The following CAMTA1 variants were observed in gnomAD, a reference collection of about 807,000 sequenced individuals.
CAMTA1 encodes the protein calmodulin binding transcription activator 1.
Under a neutral mutation model 170.9 loss-of-function variants are expected in CAMTA1, and 27 were observed. The ratio of observed to expected loss-of-function variants is 0.16; its 90% CI spans 0.12 to 0.22. The LOEUF is 0.22. Among genes scored for constraint, CAMTA1 ranks in the 10% least tolerant of loss-of-function variants. CAMTA1 has a pLI of 1.00. For missense variants in CAMTA1, 1,619 were observed against 2,217.2 expected (o/e 0.73, Z 5.42); for synonymous variants, 833 against 891.5 (o/e 0.93, Z 1.17).
Position 7,249,292 on chromosome 1 carries a change from G to A in CAMTA1, c.303-199G>A, listed in dbSNP as rs1477702006. 6.6e-6 allele frequency among the ~76,000 whole-genome samples: 1 copy of A among 152,084 alleles called. No individual in the cohort carries two copies. The highest frequency in any genetic ancestry group is 6.5e-5 in the Admixed American group (1 of 15,276). ...ATCATTGACACATTTAATTCATTAG[G>A]TACCAAATCCAAAGCAAATTTTGGC... is the stretch of plus-strand genomic sequence containing the variant. On this transcript the variant is annotated intron_variant, in intron 4 of 22. Transcript: ENST00000303635. This position sits in a 1 kb window ranked among gnomAD's most constrained non-coding sequence, Gnocchi z 4.4.
chr1:6,988,026 C>G (rs1695652218), intron 3 of CAMTA1, among the ~76,000 whole-genome samples: 1 of 152,208 alleles, frequency 6.6e-6, no homozygotes, highest in Admixed American at 6.5e-5. Flanking sequence ...TCCCTCTTCC[C>G]TGGGAACATT....
At chr1:7,462,173 G>A (rs1320040630) in intron 5 of CAMTA1, among the ~76,000 whole-genome samples, 1 of 152,240 alleles carries the variant, frequency 6.6e-6, no homozygotes, top group East Asian at 1.9e-4. Flanking sequence ...TGTTGCCCAG[G>A]CTGGAGTGCA....
intron 5 of CAMTA1, among the ~76,000 whole-genome samples, chr1:7,335,268 G>A (rs1305666311): frequency 1.4e-5 from 2 of 146,880 alleles, no homozygotes; most frequent in African/African-American, 2.5e-5. Context: ...GGGTAATCCC[G>A]GTTTGCCTTG....
chr1:7,293,260 G>A lies in CAMTA1; in HGVS notation c.438+43634G>A, dbSNP rs773399322. Among the ~76,000 whole-genome samples, 35 of 152,166 alleles carry A rather than the reference G, an allele frequency of 2.3e-4. No homozygotes were observed. The highest frequency in any genetic ancestry group is 4.1e-4 in the South Asian group (2 of 4,826). On this transcript the variant is annotated intron_variant, in intron 5 of 22. Coordinates refer to ENST00000303635, the MANE Select transcript of CAMTA1 (RefSeq NM_015215.4). The surrounding 1 kb of genome is among the most constrained non-coding windows in gnomAD (Gnocchi z 4.1). ...TCTGGGTGATGAGAGACCGCCACTCGTCTCCAGGAGCTCCCGCCAGAGGCC... is the reference window on the plus strand; with the variant it reads ...TCTGGGTGATGAGAGACCGCCACTCATCTCCAGGAGCTCCCGCCAGAGGCC...
At chr1:6,847,546 T>G (rs1416784334) in intron 3 of CAMTA1, among the ~76,000 whole-genome samples, 1 of 151,612 alleles carries the variant, frequency 6.6e-6, no homozygotes, top group Non-Finnish European at 1.5e-5. Context: ...AAATTTTGTT[T>G]TTTTTTTTTT....
At chr1:7,281,249 A>T (rs1306118653) in intron 5 of CAMTA1, among the ~76,000 whole-genome samples, 1 of 152,222 alleles carries the variant, frequency 6.6e-6, no homozygotes, top group Admixed American at 6.5e-5. Context: ...TAATTCTGCA[A>T]ACCAATTCAA....
chr1:7,240,908 G>A (rs1318699733), intron 4 of CAMTA1, among the ~76,000 whole-genome samples: 1 of 152,188 alleles, frequency 6.6e-6, no homozygotes, highest in Non-Finnish European at 1.5e-5. Flanking sequence ...AGGGCAAAGT[G>A]TTGATTCTCA....
chr1:7,233,132 C>T (rs537600154), intron 4 of CAMTA1, among the ~76,000 whole-genome samples: 4 of 152,272 alleles, frequency 2.6e-5, no homozygotes, highest in African/African-American at 4.8e-5. Flanking sequence ...TCTAACAGAC[C>T]GTCACATTGA....
chr1:7,478,441 C>T (rs1297047160), intron 6 of CAMTA1, among the ~76,000 whole-genome samples: 1 of 152,216 alleles, frequency 6.6e-6, no homozygotes, highest in East Asian at 1.9e-4. Flanking sequence ...AGGACCTCTC[C>T]TGGCCTGGCC....
At chr1:7,671,924 C>T in intron 10 of CAMTA1, 1 of 450,596 alleles carries the variant, frequency 2.2e-6, no homozygotes, top group South Asian at 1.6e-5. Flanking sequence ...GGACATGTCA[C>T]AGAGGGGGAT....
intron 11 of CAMTA1, among the ~76,000 whole-genome samples, chr1:7,695,187 A>T (rs1004969855): frequency 2.0e-5 from 3 of 152,066 alleles, no homozygotes; most frequent in Non-Finnish European, 4.4e-5. Context: ...AGCCCCCACG[A>T]GGTGGGACCT....
chr1:7,386,188 G>T (rs541184465), intron 5 of CAMTA1, among the ~76,000 whole-genome samples: 2 of 152,210 alleles, frequency 1.3e-5, no homozygotes, highest in Non-Finnish European at 2.9e-5. Flanking sequence ...TTTCATCTGG[G>T]ACAAGTTTGT....
At chr1:7,240,680 C>T (rs1664708782) in intron 4 of CAMTA1, among the ~76,000 whole-genome samples, 2 of 152,036 alleles carry the variant, frequency 1.3e-5, no homozygotes. Flanking sequence ...TGCCACCACA[C>T]TTTGTTGTAG....
chr1:7,378,157 A>G (rs1206117691), intron 5 of CAMTA1, among the ~76,000 whole-genome samples: 2 of 152,286 alleles, frequency 1.3e-5, no homozygotes, highest in Admixed American at 6.5e-5. Context: ...AAATTCTCCC[A>G]ATTGTAGTGA....
intron 9 of CAMTA1, among the ~76,000 whole-genome samples, chr1:7,667,294 G>GC (rs1340103507): frequency 6.6e-6 from 1 of 152,016 alleles, no homozygotes; most frequent in East Asian, 1.9e-4. Context: ...TCTTCCCCGT[G>GC]CCCCCTGACC....
intron 4 of CAMTA1, among the ~76,000 whole-genome samples, chr1:7,165,904 A>G (rs1305593822): frequency 6.6e-6 from 1 of 152,218 alleles, no homozygotes; most frequent in Non-Finnish European, 1.5e-5. Context: ...AGAGAGAGAT[A>G]GGGGTGTGTG....
At position 7,682,295 on chromosome 1, in the gene CAMTA1, C is replaced by T. The variant is rs1248968155; in HGVS notation, c.2914+4562C>T. Among the ~76,000 whole-genome samples the T allele has an allele frequency of 1.3e-5, 2 of 152,234 alleles. No individual in the cohort carries two copies. The highest frequency in any genetic ancestry group is 6.5e-5 in the Admixed American group (1 of 15,292). On this transcript the variant is annotated intron_variant, in intron 11 of 22. Transcript: ENST00000303635. This position sits in a 1 kb window ranked among gnomAD's most constrained non-coding sequence, Gnocchi z 5.0. ...GGTGGGTGAGCCCAGACAGCTTGCC[C>T]CTGCAGCTGGCCAGAGACAGACGGG...
rs919098963 is a variant in CAMTA1, at chr1:7,064,835, A to G, written c.235-26469A>G. Among the ~76,000 whole-genome samples, 1 of 152,130 alleles carries G rather than the reference A, an allele frequency of 6.6e-6. No homozygotes were observed. The highest frequency in any genetic ancestry group is 6.5e-5 in the Admixed American group (1 of 15,268). Reference sequence around the variant, plus strand: ...ATGTATTCTGAGGTCCTGTTGGTCTAGGAGCTGGTTGGGTGACTCCTGCTG... The same window carrying G: ...ATGTATTCTGAGGTCCTGTTGGTCTGGGAGCTGGTTGGGTGACTCCTGCTG... On this transcript the variant is annotated intron_variant, in intron 3 of 22. Transcript: ENST00000303635. This position sits in a 1 kb window ranked among gnomAD's most constrained non-coding sequence, Gnocchi z 5.4.
In CAMTA1 at chr1:7,479,035, G is replaced by GGTGACCCACTCTGCGT. The variant is rs566909339; in HGVS notation, c.510+11138_510+11153dup. On this transcript the variant is annotated intron_variant, in intron 6 of 22. Coordinates refer to ENST00000303635, the MANE Select transcript of CAMTA1 (RefSeq NM_015215.4). ...AATGCAGTGGAAGACGTGGGCGGTG[G>GGTGACCCACTCTGCGT]GTGACCCACTCTGCGTGTGGACGTC... 1.8e-4 allele frequency among the ~76,000 whole-genome samples: 28 copies of GGTGACCCACTCTGCGT among 152,304 alleles called. 1 individual carries two copies. The highest frequency in any genetic ancestry group is 6.7e-4 in the African/African-American group (28 of 41,560).
Sources: allele counts gnomAD v4.1 joint callset (sites outside exome capture counted in the v4.1 genomes callset), GRCh38; gene constraint gnomAD v4.1.1; non-coding constraint Gnocchi (gnomAD v3.1); transcripts MANE v1.5; gene names NCBI Gene and HGNC (gene_info 2026-07-23, HGNC 2026-07-21).